Variants in FRMD4B observed in about 807,000 individuals in gnomAD.
The protein encoded by FRMD4B is FERM domain-containing protein 4B.
FRMD4B carries 74 observed loss-of-function variants against 141.5 expected under a neutral mutation model. The observed-to-expected ratio is 0.52, with a 90% CI of 0.43 to 0.63. The LOEUF is 0.63. FRMD4B is among the 30% of genes least tolerant of loss of function. FRMD4B has a pLI of 0.00. For missense variants in FRMD4B, 1,366 were observed against 1,253.4 expected (o/e 1.09, Z -1.36); for synonymous variants, 506 against 467.9 (o/e 1.08, Z -1.05).
rs1407676352 is a variant in FRMD4B at position 69,169,360 on chromosome 3, T to C, written c.*2501A>G. Reference sequence around the variant, plus strand: ...CTGAACTTCCATTTCTTTCTTTTTTTTTTTTTTTTTTTTTTCTTGAGACAA... The same window carrying C: ...CTGAACTTCCATTTCTTTCTTTTTTCTTTTTTTTTTTTTTTCTTGAGACAA... On this transcript the variant is annotated 3_prime_UTR_variant, in exon 23 of 23. Transcript: ENST00000398540. Among the ~76,000 whole-genome samples the C allele has an allele frequency of 1.4e-4, 18 of 131,662 alleles. No homozygotes were observed. Among genetic ancestry groups the C allele is most frequent in the African/African-American group, 6.3e-4 (18 of 28,452 alleles). The allele number at this position is 131,662 out of a possible 152,430, so 86.4% of individuals were successfully genotyped here. A position where few individuals can be genotyped will look rare whatever the true frequency, so the allele number is the denominator to read the frequency against.
intron 2 of FRMD4B, among the ~76,000 whole-genome samples, chr3:69,397,137 T>C (rs991745982): frequency 6.6e-6 from 1 of 152,064 alleles, no homozygotes; most frequent in African/African-American, 2.4e-5. Flanking sequence ...TGAGTGGATA[T>C]ACAAAATGTA....
At chr3:69,402,165 C>T (rs1442044602) in intron 2 of FRMD4B, among the ~76,000 whole-genome samples, 1 of 152,102 alleles carries the variant, frequency 6.6e-6, no homozygotes. Flanking sequence ...TATGGTAATC[C>T]CATCCTCCCT....
intron 5 of FRMD4B, among the ~76,000 whole-genome samples, chr3:69,263,817 C>CTT (rs3032130): frequency 0.1 from 7,016 of 68,704 alleles, 811 homozygotes; most frequent in Non-Finnish European, 0.11. Flanking sequence ...AACCCCATTC[C>CTT]TTTTTTTTTT....
At chr3:69,390,506 C>T (rs538638784), upstream of FRMD4B, among the ~76,000 whole-genome samples, 1 of 152,268 alleles carries the variant, frequency 6.6e-6, no homozygotes, top group East Asian at 1.9e-4. Context: ...TGCCGCTAAA[C>T]ATTATATAAT....
At chr3:69,325,761 C>T (rs536916176) in intron 1 of FRMD4B, among the ~76,000 whole-genome samples, 2 of 152,214 alleles carry the variant, frequency 1.3e-5, no homozygotes, top group East Asian at 1.9e-4. Flanking sequence ...CAGTAATACA[C>T]CATTTATTGA....
At chr3:69,476,834 A>G (rs13316727) in intron 1 of FRMD4B, among the ~76,000 whole-genome samples, 30,036 of 151,172 alleles carry the variant, frequency 0.2, 3,795 homozygotes, top group African/African-American at 0.36. Flanking sequence ...TCCTACCCAT[A>G]AGCATGGAAT....
At chr3:69,245,833 T>G (rs2093421752) in intron 7 of FRMD4B, among the ~76,000 whole-genome samples, 1 of 137,178 alleles carries the variant, frequency 7.3e-6, no homozygotes, top group Non-Finnish European at 1.5e-5. Context: ...CAGGCTAATT[T>G]GTTTTTTTTT....
In FRMD4B at chr3:69,169,876, T is replaced by G. The variant is rs1440395721; in HGVS notation, c.*1985A>C. 6.6e-6 allele frequency: 1 copy of G among 152,238 alleles called. No homozygotes were observed. Among genetic ancestry groups the G allele is most frequent in the Non-Finnish European group, 1.5e-5 (1 of 68,046 alleles). 9.4% of individuals were successfully genotyped at this position (152,238 alleles called of 1,614,324 possible). ...ACTAATTTCTTGAATTTAGAAGACC[T>G]GTTTGCCAGTCTGTGAAATTAGTAT... On this transcript the variant is annotated 3_prime_UTR_variant, in exon 23 of 23. Coordinates refer to ENST00000398540, the MANE Select transcript of FRMD4B (RefSeq NM_015123.3).
At position 69,335,039 on chromosome 3, in the gene FRMD4B, T is replaced by C. The variant is rs151162280; in HGVS notation, c.163-21522A>G. ...TGGTTCATACCTGTAATCCCAGCACTTTGGGAGGCTGATGCAGAAGGATCG... is the reference window on the plus strand; with the variant it reads ...TGGTTCATACCTGTAATCCCAGCACCTTGGGAGGCTGATGCAGAAGGATCG... On this transcript the variant is annotated intron_variant, in intron 1 of 22. Coordinates refer to ENST00000398540, the MANE Select transcript of FRMD4B (RefSeq NM_015123.3). Among the ~76,000 whole-genome samples, 1,119 of 152,292 alleles carry C rather than the reference T, an allele frequency of 7.3e-3. 15 individuals carry two copies. Among genetic ancestry groups the C allele is most frequent in the African/African-American group, 0.025 (1,020 of 41,550 alleles).
chr3:69,440,018 A>G (rs183881631), intron 1 of FRMD4B, among the ~76,000 whole-genome samples: 6 of 152,246 alleles, frequency 3.9e-5, no homozygotes, highest in Non-Finnish European at 8.8e-5. Context: ...AATGCCTTCT[A>G]CCAGTTTGTT....
chr3:69,277,651 C>T (rs1024972001), intron 5 of FRMD4B, among the ~76,000 whole-genome samples: 5 of 149,670 alleles, frequency 3.3e-5, no homozygotes, highest in Non-Finnish European at 5.9e-5. Context: ...TCAGCCTCCC[C>T]GTCCCGAGTA....
At chr3:69,448,184 C>T (rs1705438561) in intron 1 of FRMD4B, among the ~76,000 whole-genome samples, 1 of 152,038 alleles carries the variant, frequency 6.6e-6, no homozygotes, top group Non-Finnish European at 1.5e-5. Flanking sequence ...CGTGTGCCAC[C>T]ACACCTGGCT....
chr3:69,234,521 T>G (rs2093331792), intron 7 of FRMD4B, among the ~76,000 whole-genome samples: 1 of 152,196 alleles, frequency 6.6e-6, no homozygotes, highest in East Asian at 1.9e-4. Flanking sequence ...AAGAATATCA[T>G]GTTTCTTTCA....
At chr3:69,265,315 T>G (rs1185009433) in intron 5 of FRMD4B, among the ~76,000 whole-genome samples, 1 of 117,918 alleles carries the variant, frequency 8.5e-6, no homozygotes, top group East Asian at 2.3e-4. Flanking sequence ...TATATATATA[T>G]GCAGATATGA....
intron 5 of FRMD4B, among the ~76,000 whole-genome samples, chr3:69,272,895 G>T (rs796131254): frequency 3.9e-5 from 6 of 152,210 alleles, no homozygotes; most frequent in African/African-American, 1.4e-4. Flanking sequence ...AAGTCTCTTT[G>T]CCATAAACAG....
chr3:69,481,457 T>C (rs1201779295), intron 1 of FRMD4B, among the ~76,000 whole-genome samples: 1 of 152,162 alleles, frequency 6.6e-6, no homozygotes, highest in Non-Finnish European at 1.5e-5. Flanking sequence ...TTTTTGGTTA[T>C]AGATGAATGA....
At chr3:69,455,066 C>G (rs1705571094) in intron 1 of FRMD4B, among the ~76,000 whole-genome samples, 2 of 152,210 alleles carry the variant, frequency 1.3e-5, no homozygotes. Flanking sequence ...TGTAAATACA[C>G]CAATCAGCAC....
chr3:69,246,998 C>T (rs568991773), intron 7 of FRMD4B, among the ~76,000 whole-genome samples: 31 of 152,242 alleles, frequency 2.0e-4, no homozygotes, highest in African/African-American at 6.5e-4. Flanking sequence ...TTCTATTCTC[C>T]ACCTCCCCCA....
chr3:69,175,948 T>G (rs1416003234), intron 22 of FRMD4B, among the ~76,000 whole-genome samples: 1 of 151,780 alleles, frequency 6.6e-6, no homozygotes, highest in African/African-American at 2.4e-5. Context: ...GCCCAACTAA[T>G]TTTTTGTATT....
Sources: gnomAD v4.1 joint callset for allele counts (sites outside exome capture counted in the v4.1 genomes callset) on GRCh38, gnomAD v4.1.1 for gene constraint, MANE v1.5 for transcripts, NCBI Gene and HGNC (gene_info 2026-07-23, HGNC 2026-07-21) for gene names.